Variants in RHOU observed in about 807,000 individuals in gnomAD.
RHOU encodes the protein ras homolog family member U, also known as rho-related GTP-binding protein RhoU.
Under a neutral mutation model 12.6 loss-of-function variants are expected in RHOU, and 8 were observed. That is an observed-to-expected ratio of 0.64 (90% confidence interval 0.37 to 1.15). RHOU has a LOEUF of 1.15. Ranked by LOEUF, RHOU falls within the 50% of genes most tolerant of loss-of-function variation. The pLI, the probability that RHOU is intolerant of heterozygous loss-of-function variation, is 0.01. For synonymous variants in RHOU, 161 were observed against 147.4 expected (o/e 1.09, Z -0.67); for missense variants, 258 against 347.0 (o/e 0.74, Z 2.04).
At chr1:228,708,339 A>T in the RHOU span, among the ~76,000 whole-genome samples, 4 of 151,588 alleles carry the variant, frequency 2.6e-5, no homozygotes, top group African/African-American at 9.7e-5. Flanking sequence ...GAAGAGCAAC[A>T]CCAAGACACA....
Position 228,744,049 on chromosome 1 carries a change from G to A in RHOU, c.*309G>A. ...TGAAGAAGACACCTCTAATCTGGAT[G>A]TTAAGAATGAAGTTCTGCTACATTA... On this transcript the variant is annotated 3_prime_UTR_variant, in exon 3 of 3. Transcript: ENST00000366691. The A allele has an allele frequency of 3.6e-6, 1 of 278,302 alleles. No homozygotes were observed. The highest frequency in any genetic ancestry group is 8.7e-5 in the East Asian group (1 of 11,464). 17.2% of individuals were successfully genotyped at this position (278,302 alleles called of 1,614,324 possible).
chr1:228,738,991 G>A lies in RHOU; in HGVS notation c.321+1260G>A, dbSNP rs938077128. Among the ~76,000 whole-genome samples the A allele has an allele frequency of 1.5e-4, 23 of 152,152 alleles. No individual in the cohort carries two copies. Among genetic ancestry groups the A allele is most frequent in the Non-Finnish European group, 1.8e-4 (12 of 67,994 alleles). On this transcript the variant is annotated intron_variant, in intron 2 of 2. Transcript: ENST00000366691. This position sits in a 1 kb window ranked among gnomAD's most constrained non-coding sequence, Gnocchi z 4.2. ...TTAGCCTGGTGTGGTGGCACTGTCTGTAGTCCCAGCCACCAGCCACTCAGG... is the reference window on the plus strand; with the variant it reads ...TTAGCCTGGTGTGGTGGCACTGTCTATAGTCCCAGCCACCAGCCACTCAGG...
At chr1:228,663,295 G>A in the RHOU span, among the ~76,000 whole-genome samples, 1 of 152,248 alleles carries the variant, frequency 6.6e-6, no homozygotes, top group East Asian at 1.9e-4. Context: ...AAACCACAGT[G>A]AGGCAACTAG....
chr1:228,674,052 T>C, the RHOU span, among the ~76,000 whole-genome samples: 3 of 152,256 alleles, frequency 2.0e-5, no homozygotes, highest in Non-Finnish European at 4.4e-5. Context: ...GGCTTTTGCA[T>C]TTTAGTTACT....
At chr1:228,726,210 T>G in the RHOU span, among the ~76,000 whole-genome samples, 1 of 152,220 alleles carries the variant, frequency 6.6e-6, no homozygotes, top group Non-Finnish European at 1.5e-5. Context: ...ATGTGTACTG[T>G]GTACCTCAGA....
chr1:228,671,179 AT>A, the RHOU span, among the ~76,000 whole-genome samples: 1 of 151,818 alleles, frequency 6.6e-6, no homozygotes, highest in East Asian at 2.0e-4. Context: ...TAATTTTTGT[AT>A]TTTTAGTAGA....
At chr1:228,662,172 A>T in the RHOU span, among the ~76,000 whole-genome samples, 4 of 152,378 alleles carry the variant, frequency 2.6e-5, no homozygotes, top group South Asian at 8.3e-4. Flanking sequence ...TTAAAAAGTC[A>T]TGAAACAACA....
At chr1:228,687,551 T>C in the RHOU span, 1,067 of 1,559,754 alleles carry the variant, frequency 6.8e-4, 1 homozygote, top group Non-Finnish European at 8.6e-4. Flanking sequence ...CAGACTGTGA[T>C]GACTGGGAGA....
chr1:228,746,563 A>G lies in RHOU; in HGVS notation c.*2823A>G, dbSNP rs899315897. The G allele has an allele frequency of 1.3e-5, 2 of 152,208 alleles. No homozygotes were observed. Among genetic ancestry groups the G allele is most frequent in the Non-Finnish European group, 2.9e-5 (2 of 68,038 alleles). 9.4% of individuals were successfully genotyped at this position (152,208 alleles called of 1,614,324 possible). ...GACTATCGTAACCTGGTGCCTTACCAAGTTGTGCTTTTCTGTTTTCAAGTG... is the reference window on the plus strand; with the variant it reads ...GACTATCGTAACCTGGTGCCTTACCGAGTTGTGCTTTTCTGTTTTCAAGTG... On this transcript the variant is annotated 3_prime_UTR_variant, in exon 3 of 3. Coordinates refer to ENST00000366691, the MANE Select transcript of RHOU (RefSeq NM_021205.6).
chr1:228,698,494 T>C, the RHOU span, among the ~76,000 whole-genome samples: 3 of 152,260 alleles, frequency 2.0e-5, no homozygotes, highest in African/African-American at 7.2e-5. Context: ...AATTCTATTA[T>C]TTACCACCAT....
At chr1:228,700,415 A>G in the RHOU span, among the ~76,000 whole-genome samples, 2 of 152,240 alleles carry the variant, frequency 1.3e-5, no homozygotes, top group Admixed American at 6.5e-5. Flanking sequence ...TTTCTTACCC[A>G]GTCTAAATGA....
At chr1:228,718,956 A>C in the RHOU span, among the ~76,000 whole-genome samples, 25,633 of 152,152 alleles carry the variant, frequency 0.17, 2,838 homozygotes, top group African/African-American at 0.31. Flanking sequence ...CAGTTGAGAG[A>C]TCAAAAGGAA....
the RHOU span, among the ~76,000 whole-genome samples, chr1:228,682,948 T>C: frequency 1.3e-5 from 2 of 152,126 alleles, no homozygotes; most frequent in African/African-American, 2.4e-5. Flanking sequence ...AGCCCCATGG[T>C]GCTTTGACTT....
chr1:228,733,435 G>C (rs1191379445), upstream of RHOU, among the ~76,000 whole-genome samples: 1 of 152,166 alleles, frequency 6.6e-6, no homozygotes, highest in Non-Finnish European at 1.5e-5. Context: ...AGCCTCTGGA[G>C]TATTTGGATT....
the RHOU span, among the ~76,000 whole-genome samples, chr1:228,655,851 C>T: frequency 1.3e-5 from 2 of 152,122 alleles, no homozygotes; most frequent in African/African-American, 4.8e-5. Flanking sequence ...TGGGGAAGGC[C>T]ACAAAGAGAG....
At chr1:228,687,371 G>A in the RHOU span, 1 of 861,694 alleles carries the variant, frequency 1.2e-6, no homozygotes, top group Non-Finnish European at 2.0e-6. Context: ...GGATGTTTTG[G>A]TACAACTTAT....
At chr1:228,694,074 T>C in the RHOU span, among the ~76,000 whole-genome samples, 5 of 152,166 alleles carry the variant, frequency 3.3e-5, no homozygotes, top group African/African-American at 7.2e-5. Flanking sequence ...CCATACCCAT[T>C]TGAGTTGTCC....
chr1:228,730,426 G>T, the RHOU span, among the ~76,000 whole-genome samples: 1 of 152,184 alleles, frequency 6.6e-6, no homozygotes, highest in Non-Finnish European at 1.5e-5. Context: ...GCAGTGAGAT[G>T]ATATCACTGC....
the RHOU span, among the ~76,000 whole-genome samples, chr1:228,686,776 TG>T: frequency 2.0e-5 from 3 of 152,084 alleles, no homozygotes; most frequent in Non-Finnish European, 4.4e-5. Context: ...AGTCTTCCTC[TG>T]TCTCTCAGGC....
Sources: gnomAD v4.1 joint callset for allele counts (sites outside exome capture counted in the v4.1 genomes callset) on GRCh38, gnomAD v4.1.1 for gene constraint, Gnocchi (gnomAD v3.1) non-coding constraint, MANE v1.5 for transcripts, NCBI Gene and HGNC (gene_info 2026-07-23, HGNC 2026-07-21) for gene names.